Variants in RIMS2 observed in about 807,000 individuals in gnomAD.
RIMS2 encodes the protein regulating synaptic membrane exocytosis 2, also known as regulating synaptic membrane exocytosis protein 2.
In RIMS2, 59 loss-of-function variants were observed where a neutral mutation model predicts 174.4. That is an observed-to-expected ratio of 0.34 (90% confidence interval 0.27 to 0.42). The LOEUF is 0.42. Among genes scored for constraint, RIMS2 ranks in the 10% least tolerant of loss-of-function variants. The probability of loss-of-function intolerance (pLI) is 1.00; values close to 1 mark genes in which losing one functional copy is unlikely to be tolerated. For missense variants in RIMS2, 1,620 were observed against 1,666.3 expected (o/e 0.97, Z 0.48); for synonymous variants, 606 against 572.5 (o/e 1.06, Z -0.84).
intron 19 of RIMS2, among the ~76,000 whole-genome samples, chr8:104,169,021 T>C (rs921245174): frequency 6.6e-6 from 1 of 152,094 alleles, no homozygotes; most frequent in African/African-American, 2.4e-5. Flanking sequence ...TGTATTATCT[T>C]TTTGATATGC....
chr8:104,205,607 T>A (rs2099076227), intron 19 of RIMS2, among the ~76,000 whole-genome samples: 1 of 152,124 alleles, frequency 6.6e-6, no homozygotes, highest in African/African-American at 2.4e-5. Flanking sequence ...TTTATTGGTG[T>A]GTGTTTTTAG....
At chr8:103,770,298 G>A (rs188849632) in intron 3 of RIMS2, among the ~76,000 whole-genome samples, 2 of 152,266 alleles carry the variant, frequency 1.3e-5, no homozygotes, top group African/African-American at 2.4e-5. Flanking sequence ...AATATAGTCC[G>A]GGTGCAATGG....
In RIMS2 at chr8:103,808,970, T is replaced by A. The variant is rs111921234; in HGVS notation, c.698+42433T>A. Among the ~76,000 whole-genome samples, 916 of 152,296 alleles carry A rather than the reference T, an allele frequency of 6.0e-3. 14 individuals carry two copies. The highest frequency in any genetic ancestry group is 7.4e-3 in the Non-Finnish European group (500 of 68,016). On this transcript the variant is annotated intron_variant, in intron 3 of 23. Transcript: ENST00000504942. ...ATTCTGACTGCTAGGACTTGATATA[T>A]CTGTTGACTCAAAAAGCATTGCTAC...
At chr8:103,990,433 A>C (rs1456889718) in intron 17 of RIMS2, among the ~76,000 whole-genome samples, 2 of 152,064 alleles carry the variant, frequency 1.3e-5, no homozygotes, top group African/African-American at 2.4e-5. Flanking sequence ...GAAGTTATTA[A>C]ATTAATACTG....
intron 19 of RIMS2, among the ~76,000 whole-genome samples, chr8:104,168,834 G>A (rs1039485437): frequency 6.6e-6 from 1 of 151,856 alleles, no homozygotes; most frequent in Non-Finnish European, 1.5e-5. Context: ...TATGCCAACT[G>A]TGTTGAGGGT....
At chr8:103,849,310 G>A (rs531731668) in intron 3 of RIMS2, among the ~76,000 whole-genome samples, 1 of 152,126 alleles carries the variant, frequency 6.6e-6, no homozygotes, top group Admixed American at 6.6e-5. Flanking sequence ...ATTGTCTCAG[G>A]TCAAGTTCAT....
At chr8:104,077,185 G>A (rs976853763) in intron 19 of RIMS2, among the ~76,000 whole-genome samples, 1 of 152,138 alleles carries the variant, frequency 6.6e-6, no homozygotes, top group African/African-American at 2.4e-5. Context: ...ATATGTAACA[G>A]CAATCAGTAA....
intron 19 of RIMS2, among the ~76,000 whole-genome samples, chr8:104,042,066 T>A (rs1385584883): frequency 6.6e-6 from 1 of 151,188 alleles, no homozygotes; most frequent in Non-Finnish European, 1.5e-5. Flanking sequence ...CTAGTGTGAG[T>A]GTATATATTT....
intron 1 of RIMS2, among the ~76,000 whole-genome samples, chr8:103,659,545 C>G (rs1441744564): frequency 6.6e-6 from 1 of 152,164 alleles, no homozygotes; most frequent in Non-Finnish European, 1.5e-5. Flanking sequence ...GACAGCAGTT[C>G]TTTTTCTCCC....
At chr8:104,045,507 AAAC>A (rs2096677877) in intron 19 of RIMS2, among the ~76,000 whole-genome samples, 1 of 151,910 alleles carries the variant, frequency 6.6e-6, no homozygotes, top group Non-Finnish European at 1.5e-5. Context: ...AAGTTACATG[AAAC>A]AACATCTTAA....
intron 19 of RIMS2, among the ~76,000 whole-genome samples, chr8:104,235,642 C>A (rs2099254260): frequency 6.6e-6 from 1 of 152,032 alleles, no homozygotes; most frequent in Admixed American, 6.6e-5. Context: ...TTCTCTTTCT[C>A]ACTCTCTTTT....
At chr8:104,102,693 A>G (rs1253911043) in intron 19 of RIMS2, among the ~76,000 whole-genome samples, 1 of 152,152 alleles carries the variant, frequency 6.6e-6, no homozygotes, top group Non-Finnish European at 1.5e-5. Context: ...CACATCTTAC[A>G]CGGCAGCAGT....
intron 3 of RIMS2, among the ~76,000 whole-genome samples, chr8:103,769,466 G>C (rs2098223035): frequency 6.6e-6 from 1 of 152,130 alleles, no homozygotes; most frequent in Non-Finnish European, 1.5e-5. Flanking sequence ...TGGGATTACA[G>C]GCACCCACCA....
chr8:103,794,094 T>A (rs2098528713), intron 3 of RIMS2, among the ~76,000 whole-genome samples: 1 of 152,098 alleles, frequency 6.6e-6, no homozygotes. Context: ...TTAAACTTCA[T>A]ATGGAACCAA....
At chr8:103,652,100 A>T in intron 1 of RIMS2, 105 bp from the exon 2 acceptor site, 1 of 418,860 alleles carries the variant, frequency 2.4e-6, no homozygotes, top group Admixed American at 3.2e-5. Flanking sequence ...AAGTCTTTCT[A>T]TATAAAATTC....
At chr8:103,562,103 A>G (rs769236888) in intron 1 of RIMS2, among the ~76,000 whole-genome samples, 1 of 152,212 alleles carries the variant, frequency 6.6e-6, no homozygotes, top group Non-Finnish European at 1.5e-5. Flanking sequence ...GGGTGAGGAA[A>G]CAACCAAACC....
intron 20 of RIMS2, among the ~76,000 whole-genome samples, chr8:104,245,282 T>A (rs958628852): frequency 6.6e-6 from 1 of 152,246 alleles, no homozygotes; most frequent in Non-Finnish European, 1.5e-5. Context: ...TTTGCCTTAA[T>A]GGCAAGTTGC....
At chr8:104,107,351 T>C (rs2098089770) in intron 19 of RIMS2, among the ~76,000 whole-genome samples, 1 of 152,206 alleles carries the variant, frequency 6.6e-6, no homozygotes, top group South Asian at 2.1e-4. Flanking sequence ...TCTCTTGTGA[T>C]ACCCATTTTC....
intron 3 of RIMS2, among the ~76,000 whole-genome samples, chr8:103,825,677 A>G (rs1005979466): frequency 2.0e-5 from 3 of 152,106 alleles, no homozygotes; most frequent in Non-Finnish European, 4.4e-5. Context: ...TTTTATGAAT[A>G]TGAATATACC....
Sources: gnomAD v4.1 joint callset for allele counts (sites outside exome capture counted in the v4.1 genomes callset) on GRCh38, gnomAD v4.1.1 for gene constraint, MANE v1.5 for transcripts, NCBI Gene and HGNC (gene_info 2026-07-23, HGNC 2026-07-21) for gene names.